The following PCCA variants were observed in gnomAD, a reference collection of about 807,000 sequenced individuals.
PCCA encodes the protein propionyl-CoA carboxylase subunit alpha, also known as propionyl-CoA carboxylase alpha chain, mitochondrial.
In PCCA, 74 loss-of-function variants were observed where a neutral mutation model predicts 101.3. The observed-to-expected ratio is 0.73, with a 90% confidence interval of 0.61 to 0.89. The LOEUF (loss-of-function observed/expected upper bound fraction) is 0.89, where lower values mean the gene tolerates loss of function less well. Ranked by LOEUF, PCCA falls within the 40% of genes least tolerant of loss-of-function variation. PCCA has a pLI of 0.00. For missense variants in PCCA, 891 were observed against 907.0 expected (o/e 0.98, Z 0.23); for synonymous variants, 294 against 313.6 (o/e 0.94, Z 0.66).
At chr13:100,257,194 A>T (rs1192009613) in intron 8 of PCCA, among the ~76,000 whole-genome samples, 1 of 152,128 alleles carries the variant, frequency 6.6e-6, no homozygotes, top group Non-Finnish European at 1.5e-5. Flanking sequence ...ACCATTTTTG[A>T]AAAAAGGGAA....
chr13:100,197,494 G>A (rs981966114), intron 6 of PCCA, among the ~76,000 whole-genome samples: 1 of 152,012 alleles, frequency 6.6e-6, no homozygotes, highest in Admixed American at 6.6e-5. Context: ...ACCCAGGCTG[G>A]AGCACAGTGG....
intron 20 of PCCA, among the ~76,000 whole-genome samples, chr13:100,432,873 A>G (rs1237249867): frequency 6.6e-6 from 1 of 152,240 alleles, no homozygotes; most frequent in East Asian, 1.9e-4. Flanking sequence ...GGTACCGCCT[A>G]TAAATGAAAT....
chr13:100,162,777 A>G (rs1317530531), intron 6 of PCCA, among the ~76,000 whole-genome samples: 1 of 152,154 alleles, frequency 6.6e-6, no homozygotes, highest in African/African-American at 2.4e-5. Context: ...CCACTCGTTG[A>G]TATTCTTAAG....
intron 21 of PCCA, among the ~76,000 whole-genome samples, chr13:100,474,851 C>G (rs1596071884): frequency 6.6e-6 from 1 of 152,122 alleles, no homozygotes; most frequent in East Asian, 1.9e-4. Context: ...ATATCTGCCT[C>G]TAAGGACTTT....
chr13:100,469,389 A>G (rs545431202), intron 21 of PCCA, among the ~76,000 whole-genome samples: 1 of 152,180 alleles, frequency 6.6e-6, no homozygotes, highest in East Asian at 1.9e-4. Context: ...GGCGGCAGAA[A>G]CATGACAAGG....
chr13:100,244,887 T>C (rs2061345747), intron 8 of PCCA, among the ~76,000 whole-genome samples: 1 of 151,904 alleles, frequency 6.6e-6, no homozygotes, highest in South Asian at 2.1e-4. Flanking sequence ...AATATGTTTA[T>C]ATAGTTATTT....
At chr13:100,405,857 C>T (rs2077643529) in intron 19 of PCCA, among the ~76,000 whole-genome samples, 1 of 149,108 alleles carries the variant, frequency 6.7e-6, no homozygotes, top group Non-Finnish European at 1.5e-5. Flanking sequence ...ACCTCCAACT[C>T]CTGGGTTCAA....
chr13:100,157,172 C>G, intron 5 of PCCA, 115 bp from the exon 6 acceptor site: 1 of 687,126 alleles, frequency 1.5e-6, no homozygotes, highest in South Asian at 1.8e-5. Context: ...GAGAAGTGTA[C>G]TTATTCAAGG....
chr13:100,289,898 G>T (rs1376776559), intron 12 of PCCA, among the ~76,000 whole-genome samples: 1 of 151,862 alleles, frequency 6.6e-6, no homozygotes, highest in Non-Finnish European at 1.5e-5. Flanking sequence ...TCTTTTTTGA[G>T]ATTTCTGCCC....
intron 2 of PCCA, 81 bp from the exon 3 acceptor site, chr13:100,111,760 G>A: frequency 1.2e-6 from 1 of 850,636 alleles, no homozygotes; most frequent in Non-Finnish European, 2.0e-6. Flanking sequence ...TGTTGATGTT[G>A]GAAAAACTTG....
chr13:100,226,042 C>T (rs1179398852), intron 7 of PCCA, among the ~76,000 whole-genome samples: 2 of 152,090 alleles, frequency 1.3e-5, no homozygotes, highest in African/African-American at 2.4e-5. Context: ...TCCACCTTCA[C>T]GACCTCCCAA....
In PCCA at chr13:100,102,913, A is replaced by G. The variant is rs774158004; in HGVS notation, c.136A>G (p.Met46Val). The G allele has an allele frequency of 6.2e-7, 1 of 1,612,522 alleles. No individual in the cohort carries two copies. The highest frequency in any genetic ancestry group is 1.7e-5 in the Admixed American group (1 of 60,022). The change falls in exon 2 of 24, where the codon ATG becomes GTG. Residue 46 changes from methionine (M) to valine (V), a missense_variant. Coordinates refer to ENST00000376285, the MANE Select transcript of PCCA (RefSeq NM_000282.4). Reference sequence around the variant, plus strand: ...TCTGTACTATTCAAGACAGTGCTTAATGGTGTCCCGTAATCTTGGTTCAGT... The same window carrying G: ...TCTGTACTATTCAAGACAGTGCTTAGTGGTGTCCCGTAATCTTGGTTCAGT... Reference protein sequence around the residue: ...HVLYYSRQCLMVSRNLGSVGY... With the variant: ...HVLYYSRQCLVVSRNLGSVGY...
chr13:100,426,547 A>G (rs2079159105), intron 20 of PCCA, among the ~76,000 whole-genome samples: 1 of 152,308 alleles, frequency 6.6e-6, no homozygotes, highest in East Asian at 1.9e-4. Context: ...CTTACTCCAT[A>G]CCTGATTCTT....
chr13:100,093,457 T>A (rs755938182), intron 1 of PCCA, among the ~76,000 whole-genome samples: 9 of 152,190 alleles, frequency 5.9e-5, no homozygotes, highest in Non-Finnish European at 1.3e-4. Flanking sequence ...CAAGAAGTAG[T>A]TAGCATTCAT....
intron 20 of PCCA, among the ~76,000 whole-genome samples, chr13:100,442,575 T>A (rs1326529481): frequency 6.6e-6 from 1 of 152,184 alleles, no homozygotes; most frequent in Non-Finnish European, 1.5e-5. Context: ...TAGTGTCTCC[T>A]ACATAGAAGG....
intron 8 of PCCA, among the ~76,000 whole-genome samples, chr13:100,249,205 T>TC (rs1388243255): frequency 6.6e-6 from 1 of 152,268 alleles, no homozygotes; most frequent in African/African-American, 2.4e-5. Flanking sequence ...TTCTATTTTT[T>TC]CTCTAGAAAT....
intron 19 of PCCA, among the ~76,000 whole-genome samples, chr13:100,374,034 C>T (rs1368436292): frequency 6.6e-6 from 1 of 152,118 alleles, no homozygotes; most frequent in African/African-American, 2.4e-5. Context: ...ATCACTTGAA[C>T]ACAGGAGATG....
At chr13:100,484,142 G>A (rs146897197) in intron 21 of PCCA, among the ~76,000 whole-genome samples, 56 of 152,110 alleles carry the variant, frequency 3.7e-4, no homozygotes, top group African/African-American at 1.2e-3. Flanking sequence ...AAAACTGGCC[G>A]CTTTCCTGCT....
chr13:100,507,171 A>G (rs781718826), intron 21 of PCCA, among the ~76,000 whole-genome samples: 4 of 152,210 alleles, frequency 2.6e-5, no homozygotes, highest in Non-Finnish European at 5.9e-5. Context: ...CTCCTGATCA[A>G]ACAGAATGCA....
Sources: gnomAD v4.1 joint callset for allele counts (sites outside exome capture counted in the v4.1 genomes callset) on GRCh38, gnomAD v4.1.1 for gene constraint, MANE v1.5 for transcripts, NCBI Gene and HGNC (gene_info 2026-07-23, HGNC 2026-07-21) for gene names.